Variants in SNCAIP observed in about 807,000 individuals in gnomAD.
SNCAIP encodes synuclein alpha interacting protein, also known as synphilin-1.
Under a neutral mutation model 86.7 loss-of-function variants are expected in SNCAIP, and 43 were observed. The ratio of observed to expected loss-of-function variants is 0.50; its 90% CI spans 0.39 to 0.64. SNCAIP has a LOEUF of 0.64. SNCAIP is among the 30% of genes least tolerant of loss of function. The pLI, the probability that SNCAIP is intolerant of heterozygous loss-of-function variation, is 0.00. For missense variants in SNCAIP, 981 were observed against 1,103.1 expected, an observed-to-expected ratio of 0.89 and a Z score of 1.57; for synonymous variants, 417 against 427.2, an observed-to-expected ratio of 0.98 and a Z score of 0.29.
intron 1 of SNCAIP, among the ~76,000 whole-genome samples, chr5:122,373,948 C>T (rs952809796): frequency 1.3e-5 from 2 of 152,240 alleles, no homozygotes; most frequent in East Asian, 1.9e-4. Context: ...AGTTTAAATT[C>T]GTACCAGAAA....
intron 1 of SNCAIP, among the ~76,000 whole-genome samples, chr5:122,323,632 G>A (rs750086145): frequency 1.3e-5 from 2 of 152,188 alleles, no homozygotes; most frequent in South Asian, 4.1e-4. Flanking sequence ...TAAGCATCAC[G>A]ATGTGTGAGT....
chr5:122,361,951 G>A (rs1216371078), intron 1 of SNCAIP, among the ~76,000 whole-genome samples: 1 of 152,228 alleles, frequency 6.6e-6, no homozygotes, highest in East Asian at 1.9e-4. Context: ...CTAGGGGATA[G>A]ATTCAGTTTG....
intron 1 of SNCAIP, among the ~76,000 whole-genome samples, chr5:122,345,014 C>A (rs1758310973): frequency 6.6e-6 from 1 of 152,142 alleles, no homozygotes; most frequent in Admixed American, 6.6e-5. Flanking sequence ...GATACACATT[C>A]TACCAAATGT....
In SNCAIP at chr5:122,450,969, G is replaced by A. The variant is rs546660788; in HGVS notation, c.2122G>A (p.Val708Ile). Residue 708 changes from valine to isoleucine, a missense_variant, in exon 10 of 11, where the codon GTA (valine) becomes ATA (isoleucine). Coordinates refer to ENST00000261368, the MANE Select transcript of SNCAIP (RefSeq NM_005460.4). ...AAGGCCGCAGCCCATTGTAGAAAGC[G>A]TAGAGAGTATGGACAGCGCAGAAAG... ...RPRPQPIVES[V>I]ESMDSAESLH... The A allele has an allele frequency of 2.6e-5, 42 of 1,614,146 alleles. No homozygotes were observed. In the East Asian group the frequency reaches 2.7e-4, roughly 10 times the overall value.
At chr5:122,442,659 T>G (rs956068792) in intron 7 of SNCAIP, among the ~76,000 whole-genome samples, 1 of 152,174 alleles carries the variant, frequency 6.6e-6, no homozygotes, top group South Asian at 2.1e-4. Flanking sequence ...AACAAAACAC[T>G]CTAATATTTA....
chr5:122,364,150 G>A (rs1370855060), intron 1 of SNCAIP, among the ~76,000 whole-genome samples: 1 of 152,178 alleles, frequency 6.6e-6, no homozygotes, highest in African/African-American at 2.4e-5. Context: ...TAGGGGCTGA[G>A]TTAAATGAGG....
At chr5:122,394,473 A>G (rs893719192) in intron 2 of SNCAIP, among the ~76,000 whole-genome samples, 1 of 152,346 alleles carries the variant, frequency 6.6e-6, no homozygotes, top group East Asian at 1.9e-4. Flanking sequence ...TAAACTATAC[A>G]TTCTTGTAAT....
intron 1 of SNCAIP, among the ~76,000 whole-genome samples, chr5:122,381,370 CT>C (rs1441535841): frequency 4.3e-5 from 6 of 138,142 alleles, no homozygotes. Flanking sequence ...CAACCCCTGC[CT>C]TTTTTTGTTT....
intron 1 of SNCAIP, among the ~76,000 whole-genome samples, chr5:122,320,948 G>C (rs1397410412): frequency 1.3e-5 from 2 of 152,148 alleles, no homozygotes; most frequent in Non-Finnish European, 2.9e-5. Flanking sequence ...TGTAGCCCTT[G>C]ATGGGTCGGT....
At chr5:122,358,211 A>G (rs999260288) in intron 1 of SNCAIP, among the ~76,000 whole-genome samples, 8 of 147,726 alleles carry the variant, frequency 5.4e-5, no homozygotes, top group African/African-American at 2.0e-4. Context: ...GTGTATATAT[A>G]TATATATAAA....
intron 1 of SNCAIP, among the ~76,000 whole-genome samples, chr5:122,340,089 G>A (rs904304274): frequency 4.6e-5 from 7 of 152,262 alleles, no homozygotes; most frequent in South Asian, 4.1e-4. Context: ...ATAAATTGCC[G>A]TTACAAGCTG....
At chr5:122,370,570 G>C (rs1302447152) in intron 1 of SNCAIP, among the ~76,000 whole-genome samples, 1 of 152,012 alleles carries the variant, frequency 6.6e-6, no homozygotes, top group Non-Finnish European at 1.5e-5. Context: ...TCTTATGAAG[G>C]CACCTCTTTA....
intron 1 of SNCAIP, among the ~76,000 whole-genome samples, chr5:122,326,864 G>A (rs1388179216): frequency 6.6e-6 from 1 of 151,708 alleles, no homozygotes; most frequent in Non-Finnish European, 1.5e-5. Flanking sequence ...GCTCCAGGTG[G>A]AAGTCCTGCC....
chr5:122,450,060 GAATAAAAATGAGA>G, intron 9 of SNCAIP, 123 bp downstream of exon 9: 1 of 728,242 alleles, frequency 1.4e-6, no homozygotes, highest in Non-Finnish European at 2.3e-6. Flanking sequence ...TTATAAAGAG[GAATAAAAATGAGA>G]AATCACAGTG....
chr5:122,360,050 A>G (rs551985423), intron 1 of SNCAIP, among the ~76,000 whole-genome samples: 6 of 152,196 alleles, frequency 3.9e-5, no homozygotes, highest in Non-Finnish European at 7.3e-5. Flanking sequence ...GATTATCAGC[A>G]CTTGTGGTAG....
intron 1 of SNCAIP, among the ~76,000 whole-genome samples, chr5:122,387,757 A>T (rs1452900888): frequency 6.6e-6 from 1 of 152,214 alleles, no homozygotes; most frequent in East Asian, 1.9e-4. Context: ...CCCACTTCGT[A>T]ACATTTTATT....
chr5:122,387,698 C>G (rs1325006213), intron 1 of SNCAIP, among the ~76,000 whole-genome samples: 1 of 152,140 alleles, frequency 6.6e-6, no homozygotes, highest in African/African-American at 2.4e-5. Context: ...TCACACAAAG[C>G]AAGAAGAACC....
intron 8 of SNCAIP, among the ~76,000 whole-genome samples, chr5:122,446,557 A>G (rs1561792283): frequency 6.6e-6 from 1 of 152,228 alleles, no homozygotes; most frequent in Non-Finnish European, 1.5e-5. Context: ...GCAGTCCTTC[A>G]GTTGTCTCCA....
intron 5 of SNCAIP, among the ~76,000 whole-genome samples, chr5:122,426,129 C>A (rs1388092175): frequency 6.6e-6 from 1 of 152,184 alleles, no homozygotes; most frequent in African/African-American, 2.4e-5. Flanking sequence ...TATAGCACTG[C>A]AGCAAGTGCC....
Sources: allele counts gnomAD v4.1 joint callset (sites outside exome capture counted in the v4.1 genomes callset), GRCh38; gene constraint gnomAD v4.1.1; transcripts MANE v1.5; gene names NCBI Gene and HGNC (gene_info 2026-07-23, HGNC 2026-07-21).